EXOC2: variants seen among roughly 807,000 people sequenced by gnomAD.
The protein encoded by EXOC2 is exocyst complex component 2.
Under a neutral mutation model 131.8 loss-of-function variants are expected in EXOC2, and 70 were observed. That is an observed-to-expected ratio of 0.53 (90% CI 0.44 to 0.65). EXOC2 has a LOEUF of 0.65. Ranked by LOEUF, EXOC2 falls within the 30% of genes least tolerant of loss-of-function variation. EXOC2 has a pLI of 0.00. For synonymous variants in EXOC2, 411 were observed against 398.4 expected (o/e 1.03, Z -0.38); for missense variants, 923 against 1,108.6 (o/e 0.83, Z 2.38).
chr6:637,920 T>C, intron 1 of EXOC2, 59 bp from the exon 2 acceptor site: 2 of 1,091,370 alleles, frequency 1.8e-6, no homozygotes, highest in Non-Finnish European at 2.7e-6. Flanking sequence ...TGGCTGAAAA[T>C]ATAAGAATGC....
intron 4 of EXOC2, among the ~76,000 whole-genome samples, chr6:624,892 C>T (rs4960127): frequency 0.56 from 85,901 of 152,096 alleles, 25,665 homozygotes; most frequent in Middle Eastern, 0.67. Context: ...GGCTCAGACA[C>T]ATCAGAAAAA....
intron 25 of EXOC2, among the ~76,000 whole-genome samples, chr6:494,359 T>G (rs142218625): frequency 1.3e-5 from 2 of 152,164 alleles, no homozygotes; most frequent in African/African-American, 4.8e-5. Context: ...CATGACCACA[T>G]GGCTTCCATC....
At chr6:607,332 T>C (rs1760473080) in intron 7 of EXOC2, among the ~76,000 whole-genome samples, 1 of 152,226 alleles carries the variant, frequency 6.6e-6, no homozygotes, top group South Asian at 2.1e-4. Context: ...TAACCTTACA[T>C]GGCTCAATTA....
At chr6:532,784 T>C (rs1406311279) in intron 22 of EXOC2, among the ~76,000 whole-genome samples, 174 bp from the exon 23 acceptor site, 1 of 152,266 alleles carries the variant, frequency 6.6e-6, no homozygotes, top group Non-Finnish European at 1.5e-5. Context: ...CATAGCTATT[T>C]TGCAGGAGAA....
chr6:541,542 C>CA (rs1756538727), intron 22 of EXOC2, among the ~76,000 whole-genome samples: 1 of 151,906 alleles, frequency 6.6e-6, no homozygotes, highest in Non-Finnish European at 1.5e-5. Flanking sequence ...ATAGTAAGTA[C>CA]AAAAAATGAC....
chr6:677,242 A>G (rs376150594), intron 1 of EXOC2, among the ~76,000 whole-genome samples: 8,696 of 136,278 alleles, frequency 0.064, 3 homozygotes, highest in East Asian at 0.086. Context: ...ATACTCTTCA[A>G]CATTACGGAA....
intron 4 of EXOC2, among the ~76,000 whole-genome samples, chr6:623,331 T>C (rs569516068): frequency 1.3e-5 from 2 of 152,182 alleles, no homozygotes; most frequent in African/African-American, 2.4e-5. Flanking sequence ...CCAGGTACAA[T>C]TTGAAAAGCA....
In EXOC2 at chr6:486,576, C is replaced by T. The variant is rs1763062327; in HGVS notation, c.*95G>A. On this transcript the variant is annotated 3_prime_UTR_variant, in exon 28 of 28. Transcript: ENST00000230449. ...AAGAAAAAAGAGAAAAATGGCAAAC[C>T]CAATGTTTAATACACCAAATACCTT... The T allele has an allele frequency of 1.8e-6, 2 of 1,121,788 alleles. No homozygotes were observed. The highest frequency in any genetic ancestry group is 1.5e-5 in the South Asian group (1 of 64,950). The allele number at this position is 1,121,788 out of a possible 1,614,324, so 69.5% of individuals were successfully genotyped here.
At chr6:629,582 T>C (rs1761742377) in intron 4 of EXOC2, among the ~76,000 whole-genome samples, 1 of 152,238 alleles carries the variant, frequency 6.6e-6, no homozygotes, top group Non-Finnish European at 1.5e-5. Flanking sequence ...TAAAGACTTT[T>C]CTTTTTCACA....
intron 1 of EXOC2, among the ~76,000 whole-genome samples, chr6:653,708 A>C (rs780116805): frequency 6.6e-6 from 1 of 152,264 alleles, no homozygotes; most frequent in Non-Finnish European, 1.5e-5. Context: ...AGATCTAGCT[A>C]TTATAAGATC....
intron 12 of EXOC2, among the ~76,000 whole-genome samples, chr6:574,313 G>A (rs941309043): frequency 6.6e-6 from 1 of 152,164 alleles, no homozygotes; most frequent in African/African-American, 2.4e-5. Flanking sequence ...GCCCTCTAAA[G>A]GAAGTATGCC....
chr6:546,571 C>T (rs1441841639), intron 22 of EXOC2, among the ~76,000 whole-genome samples: 1 of 152,170 alleles, frequency 6.6e-6, no homozygotes, highest in Non-Finnish European at 1.5e-5. Context: ...CCTCCGCCAC[C>T]CCTGACACAG....
intron 11 of EXOC2, 90 bp from the exon 12 acceptor site, chr6:576,972 T>C: frequency 8.2e-7 from 1 of 1,219,630 alleles, no homozygotes; most frequent in Non-Finnish European, 1.1e-6. Flanking sequence ...TCTGAGGCTA[T>C]TTCTTGCTCA....
At chr6:503,819 G>A (rs1764366360) in intron 23 of EXOC2, among the ~76,000 whole-genome samples, 1 of 152,088 alleles carries the variant, frequency 6.6e-6, no homozygotes. Flanking sequence ...GCCACAGCTG[G>A]GTACTGGCCT....
At chr6:572,263 A>G (rs1310250041) in intron 13 of EXOC2, among the ~76,000 whole-genome samples, 1 of 152,170 alleles carries the variant, frequency 6.6e-6, no homozygotes, top group Non-Finnish European at 1.5e-5. Flanking sequence ...TTAATTGCCT[A>G]TCTCATTTAA....
chr6:547,099 T>TA (rs1288474657), intron 22 of EXOC2, among the ~76,000 whole-genome samples: 1 of 152,254 alleles, frequency 6.6e-6, no homozygotes, highest in African/African-American at 2.4e-5. Context: ...GAGCTGATGA[T>TA]ACCATTCCTG....
At chr6:656,720 G>T in intron 1 of EXOC2, 1 of 1,596,650 alleles carries the variant, frequency 6.3e-7, no homozygotes, top group East Asian at 2.3e-5. Flanking sequence ...GGATCTCATC[G>T]AGATCTTCCG....
At chr6:602,904 G>C (rs1760180997) in intron 7 of EXOC2, among the ~76,000 whole-genome samples, 1 of 152,196 alleles carries the variant, frequency 6.6e-6, no homozygotes, top group Non-Finnish European at 1.5e-5. Flanking sequence ...CCTGCCCAGT[G>C]ATCTTACATC....
chr6:631,159 A>G (rs1387535643), intron 3 of EXOC2, among the ~76,000 whole-genome samples: 1 of 152,160 alleles, frequency 6.6e-6, no homozygotes, highest in Non-Finnish European at 1.5e-5. Context: ...CCCTCTATGA[A>G]CCCACTCATT....
Sources: gnomAD v4.1 joint callset for allele counts (sites outside exome capture counted in the v4.1 genomes callset) on GRCh38, gnomAD v4.1.1 for gene constraint, MANE v1.5 for transcripts, NCBI Gene and HGNC (gene_info 2026-07-23, HGNC 2026-07-21) for gene names.